RASA2: variants seen among roughly 807,000 people sequenced by gnomAD.
The protein encoded by RASA2 is ras GTPase-activating protein 2.
A neutral mutation model predicts 118.2 loss-of-function variants in RASA2; 155 were observed. The observed-to-expected ratio is 1.31, with a 90% confidence interval of 1.15 to 1.50. The LOEUF is 1.50. RASA2 is among the 40% of genes most tolerant of loss of function. The pLI is 0.00. For missense variants in RASA2, 1,016 were observed against 1,009.6 expected (o/e 1.01, Z -0.09); for synonymous variants, 353 against 349.1 (o/e 1.01, Z -0.12).
At chr3:141,493,040 C>T (rs2081657224) in intron 1 of RASA2, among the ~76,000 whole-genome samples, 1 of 152,144 alleles carries the variant, frequency 6.6e-6, no homozygotes, top group Non-Finnish European at 1.5e-5. Flanking sequence ...AATAAAGGTT[C>T]TTACCCTTCA....
chr3:141,581,129 A>G lies in RASA2; in HGVS notation c.1704A>G (p.Glu568=), dbSNP rs200848003. The G allele has an allele frequency of 3.9e-6, 6 of 1,539,812 alleles. No individual in the cohort carries two copies. In the South Asian group the frequency reaches 5.2e-5, roughly 13 times the overall value. Residue 568 remains glutamate (E), a synonymous_variant, in exon 17 of 24, where the codon GAA becomes GAG. Transcript: ENST00000286364. ...KSSFKETFMC[E]FFKMFQEEGY... ...GTTTCAAAGAGACATTCATGTGTGA[A>G]TTTTTCAAAATGTTTCAAGAAGAAG...
chr3:141,608,023 C>G (rs1191035325), intron 20 of RASA2, among the ~76,000 whole-genome samples: 1 of 152,064 alleles, frequency 6.6e-6, no homozygotes, highest in Admixed American at 6.6e-5. Context: ...GTTAAAAATA[C>G]TTTTCTCAAG....
chr3:141,502,449 A>G (rs1176484548), intron 1 of RASA2, among the ~76,000 whole-genome samples: 1 of 152,100 alleles, frequency 6.6e-6, no homozygotes, highest in Non-Finnish European at 1.5e-5. Flanking sequence ...GCTGTCCTTT[A>G]TAATCTTTTC....
At position 141,608,499 on chromosome 3, in the gene RASA2, T is replaced by C; in HGVS notation, c.2027T>C (p.Val676Ala). ...SSFNKKNMFQ[V>A]IHTEKPLYVQ... Reference sequence around the variant, plus strand: ...TAATTGCCTATGAAGATGTTCCAAGTAATACATACGGAGAAACCACTCTAT... The same window carrying C: ...TAATTGCCTATGAAGATGTTCCAAGCAATACATACGGAGAAACCACTCTAT... The change falls in exon 21 of 24, where the codon GTA becomes GCA. Residue 676 changes from valine (V) to alanine (A), a missense_variant. Val to Ala is a moderately conservative substitution (Grantham distance 64). This residue lies in a region of RASA2 where 896 missense variants were observed against 836.4 expected (regional missense o/e 1.07). Coordinates refer to ENST00000286364, the MANE Select transcript of RASA2 (RefSeq NM_006506.5). 6.2e-7 allele frequency: 1 copy of C among 1,613,694 alleles called. No individual in the cohort carries two copies. Among genetic ancestry groups the C allele is most frequent in the South Asian group, 1.1e-5 (1 of 91,080 alleles).
At chr3:141,561,955 C>T (rs1357679525) in intron 9 of RASA2, among the ~76,000 whole-genome samples, 1 of 151,558 alleles carries the variant, frequency 6.6e-6, no homozygotes, top group Non-Finnish European at 1.5e-5. Flanking sequence ...TGTGGGGGGG[C>T]GGTCTTACTT....
intron 1 of RASA2, among the ~76,000 whole-genome samples, chr3:141,493,355 C>T (rs892855050): frequency 1.3e-5 from 2 of 152,116 alleles, no homozygotes; most frequent in Admixed American, 1.3e-4. Flanking sequence ...GAGATTGAAC[C>T]TGGATGTTTA....
intron 6 of RASA2, among the ~76,000 whole-genome samples, chr3:141,555,442 G>C (rs2082634794): frequency 6.6e-6 from 1 of 151,982 alleles, no homozygotes; most frequent in African/African-American, 2.4e-5. Flanking sequence ...TATACCTGAA[G>C]CCCAAGAAGT....
chr3:141,529,651 G>T, intron 3 of RASA2, 57 bp from the exon 4 acceptor site: 1 of 1,199,470 alleles, frequency 8.3e-7, no homozygotes, highest in South Asian at 1.3e-5. Context: ...CAGTGCTAAT[G>T]AGTCTTAGGA....
Position 141,555,888 on chromosome 3 carries a change from G to A in RASA2, c.660G>A (p.Gln220=), listed in dbSNP as rs771227608. 3.1e-6 allele frequency: 5 copies of A among 1,611,336 alleles called. No homozygotes were observed. In the African/African-American group the frequency reaches 5.3e-5, roughly 17 times the overall value. The change falls in exon 7 of 24, where the codon CAG becomes CAA. Residue 220 remains glutamine (Q), a synonymous_variant. Coordinates refer to ENST00000286364, the MANE Select transcript of RASA2 (RefSeq NM_006506.5). ...TAAAGAAGAAAACAAGCAATCCGCA[G>A]TTTAATGAAATCTTTTATTTTGAGG... ...TKVKKKTSNP[Q]FNEIFYFEVT...
intron 11 of RASA2, among the ~76,000 whole-genome samples, chr3:141,571,957 T>A (rs1357903889): frequency 6.6e-6 from 1 of 150,944 alleles, no homozygotes; most frequent in East Asian, 1.9e-4. Context: ...ACACTGTTGT[T>A]TTTTTACACA....
chr3:141,542,072 GT>G (rs2082413411), intron 5 of RASA2, among the ~76,000 whole-genome samples: 2 of 149,398 alleles, frequency 1.3e-5, no homozygotes, highest in African/African-American at 5.0e-5. Context: ...CCCAATTTAA[GT>G]TTTTTCCCCC....
At chr3:141,608,296 G>T (rs1289792349) in intron 20 of RASA2, among the ~76,000 whole-genome samples, 193 bp from the exon 21 acceptor site, 1 of 151,608 alleles carries the variant, frequency 6.6e-6, no homozygotes. Flanking sequence ...ACATTCTTTT[G>T]TACTGCTTAG....
At chr3:141,582,900 G>A (rs1048722203) in intron 17 of RASA2, among the ~76,000 whole-genome samples, 1 of 152,098 alleles carries the variant, frequency 6.6e-6, no homozygotes, top group South Asian at 2.1e-4. Context: ...AGGATAACCT[G>A]GATAGTTCTA....
intron 4 of RASA2, among the ~76,000 whole-genome samples, chr3:141,537,721 A>T (rs2082348157): frequency 6.6e-6 from 1 of 152,174 alleles, no homozygotes; most frequent in African/African-American, 2.4e-5. Flanking sequence ...GTGAGCTGAG[A>T]TCACGCCACT....
chr3:141,511,279 G>A (rs1303578287), intron 1 of RASA2, among the ~76,000 whole-genome samples: 1 of 152,202 alleles, frequency 6.6e-6, no homozygotes, highest in Non-Finnish European at 1.5e-5. Context: ...CAGTTAAATA[G>A]TCACATCTAG....
At chr3:141,573,522 C>A (rs572694409) in intron 13 of RASA2, among the ~76,000 whole-genome samples, 2 of 152,168 alleles carry the variant, frequency 1.3e-5, no homozygotes, top group South Asian at 4.1e-4. Flanking sequence ...TCAAACTGAT[C>A]AGGCTAAGTG....
intron 9 of RASA2, among the ~76,000 whole-genome samples, chr3:141,563,555 A>G (rs2082770089): frequency 6.6e-6 from 1 of 152,174 alleles, no homozygotes; most frequent in Non-Finnish European, 1.5e-5. Flanking sequence ...TTATATGTGT[A>G]ACATTTACAT....
intron 19 of RASA2, among the ~76,000 whole-genome samples, chr3:141,591,255 A>G (rs890390940): frequency 6.6e-6 from 1 of 152,158 alleles, no homozygotes; most frequent in Non-Finnish European, 1.5e-5. Flanking sequence ...ATGCTTTTGC[A>G]TATGTACATA....
chr3:141,602,355 C>T (rs898711582), intron 19 of RASA2, among the ~76,000 whole-genome samples: 1 of 152,178 alleles, frequency 6.6e-6, no homozygotes, highest in Non-Finnish European at 1.5e-5. Context: ...ATAAGGAGTG[C>T]ACAACCTAGA....
Sources: allele counts gnomAD v4.1 joint callset (sites outside exome capture counted in the v4.1 genomes callset), GRCh38; gene constraint gnomAD v4.1.1; regional missense constraint gnomAD v4.1.1; transcripts MANE v1.5; gene names NCBI Gene and HGNC (gene_info 2026-07-23, HGNC 2026-07-21).